Variants in GRIK2 observed in about 807,000 individuals in gnomAD.
GRIK2 encodes the protein glutamate ionotropic receptor kainate type subunit 2.
GRIK2 carries 32 observed loss-of-function variants against 100.3 expected under a neutral mutation model. The ratio of observed to expected loss-of-function variants is 0.32; its 90% CI spans 0.24 to 0.43. The LOEUF (loss-of-function observed/expected upper bound fraction) is 0.43. Ranked by LOEUF, GRIK2 falls within the 20% of genes least tolerant of loss-of-function variation. The pLI, the probability that GRIK2 is intolerant of heterozygous loss-of-function variation, is 1.00. For synonymous variants in GRIK2, 417 were observed against 389.4 expected, an observed-to-expected ratio of 1.07 and a Z score of -0.83; for missense variants, 843 against 1,114.9, an observed-to-expected ratio of 0.76 and a Z score of 3.47.
At chr6:101,822,248 A>G (rs1782004964) in intron 10 of GRIK2, among the ~76,000 whole-genome samples, 1 of 151,284 alleles carries the variant, frequency 6.6e-6, no homozygotes, top group African/African-American at 2.4e-5. Flanking sequence ...ACACACAAAC[A>G]CATACAACTT....
intron 7 of GRIK2, among the ~76,000 whole-genome samples, chr6:101,753,546 T>A (rs2128385891): frequency 6.6e-6 from 1 of 151,910 alleles, no homozygotes; most frequent in Admixed American, 6.6e-5. Context: ...GAAAGGTAAC[T>A]AACTGTTTCC....
At chr6:101,723,105 A>C (rs989681776) in intron 7 of GRIK2, among the ~76,000 whole-genome samples, 1 of 152,082 alleles carries the variant, frequency 6.6e-6, no homozygotes, top group Non-Finnish European at 1.5e-5. Context: ...TAGAAAAAAG[A>C]ATTCAAAGCA....
chr6:101,527,471 T>C (rs1037282078), intron 2 of GRIK2, among the ~76,000 whole-genome samples: 14 of 152,202 alleles, frequency 9.2e-5, no homozygotes, highest in Admixed American at 2.0e-4. Context: ...AGATATATTA[T>C]GATCATGAGA....
chr6:102,008,183 T>C (rs189752861), intron 14 of GRIK2, among the ~76,000 whole-genome samples: 30 of 152,218 alleles, frequency 2.0e-4, no homozygotes, highest in African/African-American at 6.5e-4. Flanking sequence ...TCTGTGACTT[T>C]AAAGCTTCAG....
At chr6:101,739,935 C>A (rs1249776567) in intron 7 of GRIK2, among the ~76,000 whole-genome samples, 3 of 152,186 alleles carry the variant, frequency 2.0e-5, no homozygotes, top group African/African-American at 7.2e-5. Flanking sequence ...TGATCATCCC[C>A]CACCCTCAAA....
intron 9 of GRIK2, among the ~76,000 whole-genome samples, chr6:101,811,152 A>G (rs1583193911): frequency 6.6e-6 from 1 of 152,072 alleles, no homozygotes; most frequent in East Asian, 1.9e-4. Context: ...TCATTACTGG[A>G]AAGAAATTTC....
At chr6:101,581,287 CGTGT>C (rs58382277) in intron 2 of GRIK2, among the ~76,000 whole-genome samples, 1,562 of 149,770 alleles carry the variant, frequency 0.01, 29 homozygotes, top group African/African-American at 0.036. Flanking sequence ...TGTATACACA[CGTGT>C]GTGTGTGTGT....
intron 2 of GRIK2, among the ~76,000 whole-genome samples, chr6:101,555,822 A>T (rs1206334633): frequency 6.6e-6 from 1 of 152,186 alleles, no homozygotes; most frequent in African/African-American, 2.4e-5. Flanking sequence ...AAATAAAAAC[A>T]TAGGTTATGA....
intron 14 of GRIK2, among the ~76,000 whole-genome samples, chr6:101,941,450 A>G (rs1582581608): frequency 6.6e-6 from 1 of 152,222 alleles, no homozygotes; most frequent in African/African-American, 2.4e-5. Context: ...ACTGGTCATT[A>G]TCAACATACA....
chr6:101,776,503 C>T (rs1583126807), intron 7 of GRIK2, among the ~76,000 whole-genome samples: 1 of 152,232 alleles, frequency 6.6e-6, no homozygotes, highest in African/African-American at 2.4e-5. Context: ...ATGTTAGCCA[C>T]AGGATGCCTT....
At chr6:101,741,123 A>T (rs944770260) in intron 7 of GRIK2, among the ~76,000 whole-genome samples, 1 of 152,218 alleles carries the variant, frequency 6.6e-6, no homozygotes, top group Non-Finnish European at 1.5e-5. Context: ...CAAGTATGCA[A>T]CTAGGAAATT....
At chr6:101,898,105 T>C (rs1041832092) in intron 12 of GRIK2, among the ~76,000 whole-genome samples, 3 of 151,840 alleles carry the variant, frequency 2.0e-5, no homozygotes, top group Non-Finnish European at 4.4e-5. Context: ...AATTAGTAAC[T>C]GTGTGTTTTT....
At chr6:101,745,465 T>A (rs1776367560) in intron 7 of GRIK2, among the ~76,000 whole-genome samples, 2 of 152,170 alleles carry the variant, frequency 1.3e-5, no homozygotes, top group African/African-American at 4.8e-5. Context: ...CCTGGCCAAG[T>A]TATACATATT....
intron 7 of GRIK2, among the ~76,000 whole-genome samples, chr6:101,693,131 T>C (rs1394237811): frequency 1.3e-5 from 2 of 152,152 alleles, no homozygotes; most frequent in Non-Finnish European, 2.9e-5. Flanking sequence ...TAAGCAGCAT[T>C]TAAGCATCTA....
chr6:102,067,677 T>C (rs1772083900), intron 16 of GRIK2, among the ~76,000 whole-genome samples: 1 of 151,876 alleles, frequency 6.6e-6, no homozygotes. Flanking sequence ...TTATCAGCTC[T>C]CAGTTATCAA....
chr6:101,474,294 T>A (rs1001698765), intron 2 of GRIK2, among the ~76,000 whole-genome samples: 1 of 151,880 alleles, frequency 6.6e-6, no homozygotes, highest in African/African-American at 2.4e-5. Context: ...TCTTTACAGT[T>A]AGAAATGTCA....
At chr6:101,540,516 C>T (rs1392239453) in intron 2 of GRIK2, among the ~76,000 whole-genome samples, 1 of 151,830 alleles carries the variant, frequency 6.6e-6, no homozygotes, top group Non-Finnish European at 1.5e-5. Context: ...TGCATTTATA[C>T]ACCTACTGTG....
At chr6:101,435,895 A>G (rs1769688192) in intron 2 of GRIK2, among the ~76,000 whole-genome samples, 1 of 152,134 alleles carries the variant, frequency 6.6e-6, no homozygotes, top group Non-Finnish European at 1.5e-5. Context: ...GTCTTTACAT[A>G]CATAGACAGG....
At chr6:101,665,736 G>A (rs1769984042) in intron 4 of GRIK2, among the ~76,000 whole-genome samples, 1 of 152,190 alleles carries the variant, frequency 6.6e-6, no homozygotes, top group South Asian at 2.1e-4. Flanking sequence ...AGAGGTAAGA[G>A]TTGGTCATTT....
Sources: gnomAD v4.1 joint callset for allele counts (sites outside exome capture counted in the v4.1 genomes callset) on GRCh38, gnomAD v4.1.1 for gene constraint, MANE v1.5 for transcripts, NCBI Gene and HGNC (gene_info 2026-07-23, HGNC 2026-07-21) for gene names.